The following MECOM variants were observed in gnomAD, a reference collection of about 807,000 sequenced individuals.
MECOM encodes MDS1 and EVI1 complex locus, also known as histone-lysine N-methyltransferase MECOM.
A neutral mutation model predicts 116.3 loss-of-function variants in MECOM; 13 were observed. The ratio of observed to expected loss-of-function variants is 0.11; its 90% CI spans 0.07 to 0.18. MECOM has a LOEUF of 0.18. MECOM is among the 10% of genes least tolerant of loss of function. The pLI is 1.00. For synonymous variants in MECOM, 528 were observed against 535.2 expected, an observed-to-expected ratio of 0.99 and a Z score of 0.19; for missense variants, 1,299 against 1,509.0, an observed-to-expected ratio of 0.86 and a Z score of 2.31.
At chr3:169,654,717 T>C (rs772885211) in intron 1 of MECOM, among the ~76,000 whole-genome samples, 40 of 152,058 alleles carry the variant, frequency 2.6e-4, no homozygotes, top group Middle Eastern at 3.2e-3. Context: ...TGAAACGGCA[T>C]GGAGGGAAAG....
At chr3:169,523,594 T>A (rs1397309881) in intron 1 of MECOM, among the ~76,000 whole-genome samples, 1 of 152,148 alleles carries the variant, frequency 6.6e-6, no homozygotes, top group Non-Finnish European at 1.5e-5. Flanking sequence ...ACTTAGGCAC[T>A]GACATGGAAG....
intron 2 of MECOM, among the ~76,000 whole-genome samples, chr3:169,237,610 C>A (rs1165696944): frequency 1.2e-5 from 1 of 80,650 alleles, no homozygotes; most frequent in Admixed American, 1.4e-4. Flanking sequence ...GTCTCCATCA[C>A]AAAAAAAAAA....
chr3:169,581,297 G>T (rs918507028), intron 1 of MECOM, among the ~76,000 whole-genome samples: 5 of 152,014 alleles, frequency 3.3e-5, no homozygotes, highest in Admixed American at 1.3e-4. Context: ...CACTATTATC[G>T]ATAAGTTCTT....
At chr3:169,172,144 A>C (rs1020332138) in intron 2 of MECOM, among the ~76,000 whole-genome samples, 1 of 152,088 alleles carries the variant, frequency 6.6e-6, no homozygotes, top group African/African-American at 2.4e-5. Flanking sequence ...AAAAAAAAAA[A>C]ATCTTCCCAT....
rs746617643 is a variant in MECOM, at chr3:169,107,931, TTCTCTGA to T, written c.2592_2598del (p.Asp864GlufsTer14). The T allele has an allele frequency of 9.9e-6, 16 of 1,612,600 alleles. No individual in the cohort carries two copies. Among genetic ancestry groups the T allele is most frequent in the Non-Finnish European group, 1.3e-5 (15 of 1,179,308 alleles). On this transcript the variant is annotated frameshift_variant, in exon 10 of 17. Transcript: ENST00000651503. LOFTEE classifies it high-confidence loss of function. ...AATATAAGTAGGAAACTTACCCAAG[TTCTCTGA>T]TCAGGCAGTTGGAACTGGGAGCAAA...
intron 1 of MECOM, among the ~76,000 whole-genome samples, chr3:169,513,369 A>G (rs1756223926): frequency 6.6e-6 from 1 of 152,270 alleles, no homozygotes. Flanking sequence ...AATTGAGGTT[A>G]GAGTGAAATT....
chr3:169,104,184 T>A (rs1301872173), intron 10 of MECOM, among the ~76,000 whole-genome samples: 1 of 152,174 alleles, frequency 6.6e-6, no homozygotes, highest in African/African-American at 2.4e-5. Context: ...TGACACATAC[T>A]GATCACAGGG....
intron 2 of MECOM, among the ~76,000 whole-genome samples, chr3:169,286,652 AGAAAGGAT>A (rs1560089871): frequency 6.6e-6 from 1 of 152,214 alleles, no homozygotes; most frequent in Non-Finnish European, 1.5e-5. Flanking sequence ...TCCCTAGATT[AGAAAGGAT>A]TGTTGCTATA....
chr3:169,264,587 C>A (rs574418534), intron 2 of MECOM, among the ~76,000 whole-genome samples: 2 of 152,156 alleles, frequency 1.3e-5, no homozygotes, highest in South Asian at 2.1e-4. Context: ...TAATCCAACA[C>A]CCTTGTTAAT....
At chr3:169,109,991 A>G (rs1726799218) in intron 9 of MECOM, among the ~76,000 whole-genome samples, 1 of 152,180 alleles carries the variant, frequency 6.6e-6, no homozygotes, top group African/African-American at 2.4e-5. Context: ...CTTTATTATT[A>G]TGATAACCCA....
intron 1 of MECOM, among the ~76,000 whole-genome samples, chr3:169,444,295 C>G (rs540915493): frequency 2.6e-5 from 4 of 152,130 alleles, no homozygotes; most frequent in Non-Finnish European, 2.9e-5. Flanking sequence ...TTTTCATGAG[C>G]AACACTGATA....
intron 3 of MECOM, among the ~76,000 whole-genome samples, chr3:169,135,863 T>G (rs1736199059): frequency 1.3e-5 from 2 of 151,848 alleles, no homozygotes; most frequent in Non-Finnish European, 2.9e-5. Context: ...TGTTCTTTTA[T>G]TTTTAAAATT....
At chr3:169,245,697 TA>T (rs1287551929) in intron 2 of MECOM, among the ~76,000 whole-genome samples, 2 of 152,172 alleles carry the variant, frequency 1.3e-5, no homozygotes, top group Non-Finnish European at 2.9e-5. Flanking sequence ...GTTATAGAAA[TA>T]GTATTGGATT....
chr3:169,544,621 A>G (rs1398338418), intron 1 of MECOM, among the ~76,000 whole-genome samples: 2 of 152,232 alleles, frequency 1.3e-5, no homozygotes, highest in Non-Finnish European at 2.9e-5. Flanking sequence ...GAACCAACCC[A>G]AATTCCCATC....
chr3:169,169,443 C>G (rs1744082948), intron 2 of MECOM, among the ~76,000 whole-genome samples: 1 of 152,142 alleles, frequency 6.6e-6, no homozygotes, highest in Non-Finnish European at 1.5e-5. Flanking sequence ...ATTTTACTTT[C>G]AAACATGTTC....
chr3:169,123,180 C>G (rs1481746830), intron 5 of MECOM, among the ~76,000 whole-genome samples: 1 of 151,080 alleles, frequency 6.6e-6, no homozygotes, highest in East Asian at 1.9e-4. Flanking sequence ...ACTCACTTAA[C>G]TGAAACACAA....
chr3:169,264,015 T>C (rs1354401669), intron 2 of MECOM, among the ~76,000 whole-genome samples: 1 of 152,096 alleles, frequency 6.6e-6, no homozygotes, highest in Admixed American at 6.6e-5. Context: ...AATTAGTAGA[T>C]AGAATAGGAA....
At chr3:169,399,218 C>T (rs955599249) in intron 1 of MECOM, among the ~76,000 whole-genome samples, 32 of 152,230 alleles carry the variant, frequency 2.1e-4, no homozygotes, top group African/African-American at 7.0e-4. Context: ...TCAAATTGAA[C>T]CAACTTTTAC....
chr3:169,472,865 C>CT, intron 1 of MECOM: 1 of 516,410 alleles, frequency 1.9e-6, no homozygotes, highest in Non-Finnish European at 2.5e-6. Flanking sequence ...AAGACAAGGT[C>CT]TTAATGACTG....
Sources: gnomAD v4.1 joint callset for allele counts (sites outside exome capture counted in the v4.1 genomes callset) on GRCh38, gnomAD v4.1.1 for gene constraint, MANE v1.5 for transcripts, NCBI Gene and HGNC (gene_info 2026-07-23, HGNC 2026-07-21) for gene names.